GGT7: variants seen among roughly 807,000 people sequenced by gnomAD.
GGT7 encodes gamma-glutamyltransferase 7, also known as glutathione hydrolase 7.
In GGT7, 30 loss-of-function variants were observed where a neutral mutation model predicts 69.2. That is an observed-to-expected ratio of 0.43 (90% CI 0.32 to 0.59). GGT7 has a LOEUF of 0.59. Ranked by LOEUF, GGT7 falls within the 20% of genes least tolerant of loss-of-function variation. The probability of loss-of-function intolerance (pLI) is 0.05; values close to 1 mark genes in which losing one functional copy is unlikely to be tolerated. For missense variants in GGT7, 733 were observed against 901.1 expected (o/e 0.81, Z 2.39); for synonymous variants, 388 against 391.8 (o/e 0.99, Z 0.12).
chr20:34,860,156 G>T, intron 5 of GGT7, 98 bp downstream of exon 5: 2 of 1,039,712 alleles, frequency 1.9e-6, no homozygotes, highest in Non-Finnish European at 3.0e-6. Flanking sequence ...GATATTAGGA[G>T]GGGGAGTTGG....
chr20:34,863,375 G>C lies in GGT7; in HGVS notation c.343C>G (p.Leu115Val), dbSNP rs761179916. 6.2e-7 allele frequency: 1 copy of C among 1,614,044 alleles called. No homozygotes were observed. Among genetic ancestry groups the C allele is most frequent in the South Asian group, 1.1e-5 (1 of 91,086 alleles). Residue 115 changes from leucine to valine, a missense_variant, in exon 2 of 15, where the codon CTC (leucine) becomes GTC (valine). Transcript: ENST00000336431. This position sits in a 1 kb window ranked among gnomAD's most constrained non-coding sequence, Gnocchi z 4.4. ...ACGGTGACACCGGTAGCGAAGGTGA[G>C]ACAGGCCGTGACGATGACCGTGAGC... Reference protein sequence around the residue: ...DGLTVIVTACLTFATGVTVAL... With the variant: ...DGLTVIVTACVTFATGVTVAL...
In GGT7 at chr20:34,852,121, A is replaced by G. The variant is rs750496453; in HGVS notation, c.1587+34T>C. On this transcript the variant is annotated intron_variant, in intron 12 of 14. Coordinates refer to ENST00000336431, the MANE Select transcript of GGT7 (RefSeq NM_178026.3). ...ATTGCACCTCCTACCTATAGGCCTC[A>G]GGGTCCCCAGGAAAGCAGGGAAGCA... is the stretch of plus-strand genomic sequence containing the variant. The G allele has an allele frequency of 2.0e-5, 26 of 1,299,448 alleles. No individual in the cohort carries two copies. In the Admixed American group the frequency reaches 4.4e-4, roughly 22 times the overall value. The allele number at this position is 1,299,448 out of a possible 1,614,324, so 80.5% of individuals were successfully genotyped here.
chr20:34,861,479 C>T lies in GGT7; in HGVS notation c.641G>A (p.Arg214Lys), dbSNP rs1163342190. Residue 214 changes from arginine to lysine, a missense_variant, in exon 4 of 15, where the codon AGG (arginine) becomes AAG (lysine). By Grantham distance (26) the Arg-to-Lys change is conservative (BLOSUM62 2). Coordinates refer to ENST00000336431, the MANE Select transcript of GGT7 (RefSeq NM_178026.3). ...DFRESAPGALREETLQRSWET... is the reference protein window; with the variant it reads ...DFRESAPGALKEETLQRSWET... ...CCAGGATCTTTGCAGGGTCTCTTCC[C>T]TGAGGGCCCCTGGTGCGGACTCCCG... 1.3e-6 allele frequency: 2 copies of T among 1,557,468 alleles called. No individual in the cohort carries two copies. Among genetic ancestry groups the T allele is most frequent in the Admixed American group, 1.8e-5 (1 of 56,532 alleles).
At chr20:34,870,125 T>C (rs1251180843) in intron 1 of GGT7, among the ~76,000 whole-genome samples, 3 of 152,236 alleles carry the variant, frequency 2.0e-5, no homozygotes, top group Admixed American at 6.5e-5. Context: ...GCCTGTAGTC[T>C]GGTCCAGGTG....
Position 34,850,028 on chromosome 20 carries a change from G to T in GGT7, c.1758C>A (p.Asn586Lys). The change falls in exon 14 of 15, where the codon AAC (asparagine) becomes AAA (lysine). Residue 586 changes from asparagine to lysine, a missense_variant. Transcript: ENST00000336431. Reference sequence around the variant, plus strand: ...GGCCGCGGGCCAGGCTGTCACTCAGGTTCCGGTTCAAGGTCAGGACATTCA... The same window carrying T: ...GGCCGCGGGCCAGGCTGTCACTCAGTTTCCGGTTCAAGGTCAGGACATTCA... ...VLLNVLTLNR[N>K]LSDSLARGRL... 6.2e-7 allele frequency: 1 copy of T among 1,613,978 alleles called. No individual in the cohort carries two copies. The highest frequency in any genetic ancestry group is 8.5e-7 in the Non-Finnish European group (1 of 1,179,906).
In GGT7 at chr20:34,856,867, G is replaced by T. The variant is rs200781168; in HGVS notation, c.1041C>A (p.Thr347=). The change falls in exon 8 of 15, where the codon ACC becomes ACA. Residue 347 remains threonine (T), a synonymous_variant. Coordinates refer to ENST00000336431, the MANE Select transcript of GGT7 (RefSeq NM_178026.3). The stretch of plus-strand genomic sequence containing the variant: ...CGCTGTAATTGCTGAAGTCCTCTTC[G>T]GTTATGACACCCCCTGCGTGCTGAG... ...AEAQHAGGVI[T]EEDFSNYSAL... is the part of the protein sequence containing the mutation. 4.0e-5 allele frequency: 65 copies of T among 1,610,424 alleles called. No individual in the cohort carries two copies. In the African/African-American group the frequency reaches 5.5e-4, roughly 14 times the overall value.
intron 1 of GGT7, among the ~76,000 whole-genome samples, chr20:34,866,314 G>A (rs59030726): frequency 0.21 from 32,454 of 151,962 alleles, 3,647 homozygotes; most frequent in South Asian, 0.37. Context: ...GGGAGTGCTC[G>A]TGCATGCCTG....
At position 34,856,873 on chromosome 20, in the gene GGT7, G is replaced by C. The variant is rs1289431063; in HGVS notation, c.1035C>G (p.Val345=). The C allele has an allele frequency of 6.2e-7, 1 of 1,609,286 alleles. No individual in the cohort carries two copies. The highest frequency in any genetic ancestry group is 8.5e-7 in the Non-Finnish European group (1 of 1,175,946). ...MVAEAQHAGG[V]ITEEDFSNYS... Reference sequence around the variant, plus strand: ...AATTGCTGAAGTCCTCTTCGGTTATGACACCCCCTGCGTGCTGAGCCTGGA... The same window carrying C: ...AATTGCTGAAGTCCTCTTCGGTTATCACACCCCCTGCGTGCTGAGCCTGGA... Residue 345 remains valine (V), a synonymous_variant, in exon 8 of 15, where the codon GTC becomes GTG. Coordinates refer to ENST00000336431, the MANE Select transcript of GGT7 (RefSeq NM_178026.3).
Position 34,855,722 on chromosome 20 carries a change from A to G in GGT7, c.1103-799T>C, listed in dbSNP as rs142753522. Reference sequence around the variant, plus strand: ...GTGGGAAGTAGCTTGTTCAAGGTAAATGGCACAGTTGGTACTCAAACCCAG... The same window carrying G: ...GTGGGAAGTAGCTTGTTCAAGGTAAGTGGCACAGTTGGTACTCAAACCCAG... On this transcript the variant is annotated intron_variant, in intron 8 of 14. Transcript: ENST00000336431. Among the ~76,000 whole-genome samples, 10 of 152,152 alleles carry G rather than the reference A, an allele frequency of 6.6e-5. No homozygotes were observed. The East Asian group carries it at 1.9e-3, about 29-fold the overall frequency.
At chr20:34,855,060 T>C in intron 8 of GGT7, 137 bp from the exon 9 acceptor site, 2 of 783,922 alleles carry the variant, frequency 2.6e-6, no homozygotes, top group East Asian at 2.8e-5. Context: ...AACTGAAACA[T>C]TGAGAGGCAA....
chr20:34,863,387 C>T lies in GGT7; in HGVS notation c.331G>A (p.Val111Ile), dbSNP rs752993158. The T allele has an allele frequency of 4.3e-6, 7 of 1,614,020 alleles. No individual in the cohort carries two copies. The South Asian group carries it at 5.5e-5, about 13-fold the overall frequency. The change falls in exon 2 of 15, where the codon GTC becomes ATC. Residue 111 changes from valine (V) to isoleucine (I), a missense_variant. Val to Ile is a conservative substitution (Grantham distance 29). Transcript: ENST00000336431. The surrounding 1 kb of genome is among the most constrained non-coding windows in gnomAD (Gnocchi z 4.4). ...SCRQDGLTVI[V>I]TACLTFATGV... is the part of the protein sequence containing the mutation. ...GTAGCGAAGGTGAGACAGGCCGTGA[C>T]GATGACCGTGAGCCCATCCTGGCGG...
At position 34,863,066 on chromosome 20, in the gene GGT7, C is replaced by T; in HGVS notation, c.406-101G>A. ...ACTCTACGCGGCATGAAGGTCGAAG[C>T]CCTGCCCCCTTGTTGCCTTGACTCT... On this transcript the variant is annotated intron_variant, in intron 2 of 14. Coordinates refer to ENST00000336431, the MANE Select transcript of GGT7 (RefSeq NM_178026.3). This position sits in a 1 kb window ranked among gnomAD's most constrained non-coding sequence, Gnocchi z 4.4. 8.4e-7 allele frequency: 1 copy of T among 1,193,100 alleles called. No homozygotes were observed. Among genetic ancestry groups the T allele is most frequent in the Non-Finnish European group, 1.2e-6 (1 of 846,140 alleles). The allele number at this position is 1,193,100 out of a possible 1,614,324, so 73.9% of individuals were successfully genotyped here.
Position 34,859,478 on chromosome 20 carries a change from C to A in GGT7, c.979G>T (p.Ala327Ser). Residue 327 changes from alanine (A) to serine (S), a missense_variant, in exon 7 of 15, where the codon GCA becomes TCA. Transcript: ENST00000336431. Reference sequence around the variant, plus strand: ...ATCTCCAGTGTGAGGTTGCCACCTGCGTAGAAGGCAGCCGGGCCGGAGGTG... The same window carrying A: ...ATCTCCAGTGTGAGGTTGCCACCTGAGTAGAAGGCAGCCGGGCCGGAGGTG... ...LGTSGPAAFY[A>S]GGNLTLEMVA... 6.2e-7 allele frequency: 1 copy of A among 1,602,640 alleles called. No individual in the cohort carries two copies. The highest frequency in any genetic ancestry group is 8.5e-7 in the Non-Finnish European group (1 of 1,171,486).
intron 9 of GGT7, 56 bp downstream of exon 9, chr20:34,854,740 A>G (rs1402196995): frequency 1.2e-6 from 2 of 1,610,208 alleles, no homozygotes; most frequent in African/African-American, 2.7e-5. Flanking sequence ...GCAGTACCCA[A>G]TCTCCCCACT....
rs1473229679 is a variant in GGT7 at position 34,854,796 on chromosome 20, C to T, written c.1230G>A (p.Glu410=). The T allele has an allele frequency of 6.2e-7, 1 of 1,614,092 alleles. No homozygotes were observed. Among genetic ancestry groups the T allele is most frequent in the Admixed American group, 1.7e-5 (1 of 60,026 alleles). The change falls in exon 9 of 15, where the codon GAG becomes GAA. Residue 410 remains glutamate (E), a splice_region_variant and synonymous_variant. Coordinates refer to ENST00000336431, the MANE Select transcript of GGT7 (RefSeq NM_178026.3). ...SREQALHWVA[E]TLKIALALAS... ...GGAAAGGCAGACGGGTCAGCCTTACCTCTGCCACCCAGTGAAGAGCCTGTT... is the reference window on the plus strand; with the variant it reads ...GGAAAGGCAGACGGGTCAGCCTTACTTCTGCCACCCAGTGAAGAGCCTGTT...
chr20:34,852,112 A>G (rs373815703), intron 12 of GGT7, 43 bp downstream of exon 12: 15 of 1,163,474 alleles, frequency 1.3e-5, no homozygotes, highest in Non-Finnish European at 1.7e-5. Flanking sequence ...CCTCCTACCT[A>G]TAGGCCTCAG....
Position 34,854,861 on chromosome 20 carries a change from T to C in GGT7, c.1165A>G (p.Ile389Val), listed in dbSNP as rs755249144. ...TGPALISALN[I>V]LEGFNLTSLV... The stretch of plus-strand genomic sequence containing the variant: ...CTGGTGAGATTGAAGCCCTCCAGGA[T>C]GTTGAGAGCACTGATGAGGGCAGGG... The change falls in exon 9 of 15, where the codon ATC becomes GTC. Residue 389 changes from isoleucine (I) to valine (V), a missense_variant. Ile to Val is a conservative substitution (Grantham distance 29). Coordinates refer to ENST00000336431, the MANE Select transcript of GGT7 (RefSeq NM_178026.3). 6.2e-7 allele frequency: 1 copy of C among 1,614,000 alleles called. No individual in the cohort carries two copies. Among genetic ancestry groups the C allele is most frequent in the Non-Finnish European group, 8.5e-7 (1 of 1,179,922 alleles).
Position 34,859,604 on chromosome 20 carries a change from A to T in GGT7, c.853T>A (p.Ser285Thr), listed in dbSNP as rs2079552207. The T allele has an allele frequency of 6.2e-7, 1 of 1,600,654 alleles. No individual in the cohort carries two copies. The highest frequency in any genetic ancestry group is 8.5e-7 in the Non-Finnish European group (1 of 1,173,004). The change falls in exon 7 of 15, where the codon TCC (serine) becomes ACC (threonine). Residue 285 changes from serine to threonine, a missense_variant. By Grantham distance (58) the Ser-to-Thr change is moderately conservative. Coordinates refer to ENST00000336431, the MANE Select transcript of GGT7 (RefSeq NM_178026.3). ...AGGAACGTCTCCCGGAAGCGCTCGGACATGTTGGGTGGCAGCTGTTCAGCC... is the reference window on the plus strand; with the variant it reads ...AGGAACGTCTCCCGGAAGCGCTCGGTCATGTTGGGTGGCAGCTGTTCAGCC... Reference protein sequence around the residue: ...ALAEQLPPNMSERFRETFLPS... With the variant: ...ALAEQLPPNMTERFRETFLPS...
In GGT7 at chr20:34,871,064, G is replaced by A. The variant is rs747625233; in HGVS notation, c.169+1583C>T. Among the ~76,000 whole-genome samples, 10 of 152,274 alleles carry A rather than the reference G, an allele frequency of 6.6e-5. No individual in the cohort carries two copies. The South Asian group carries it at 1.0e-3, about 16-fold the overall frequency. ...ACCTCAGGCATGAGCCACCGCGCCC[G>A]GCCTATGGATAAGGTCTTGATGCTG... On this transcript the variant is annotated intron_variant, in intron 1 of 14. Coordinates refer to ENST00000336431, the MANE Select transcript of GGT7 (RefSeq NM_178026.3).
Sources: gnomAD v4.1 joint callset for allele counts (sites outside exome capture counted in the v4.1 genomes callset) on GRCh38, gnomAD v4.1.1 for gene constraint, Gnocchi (gnomAD v3.1) non-coding constraint, MANE v1.5 for transcripts, NCBI Gene and HGNC (gene_info 2026-07-23, HGNC 2026-07-21) for gene names.